CFAP144: variants seen among roughly 807,000 people sequenced by gnomAD.
The protein encoded by CFAP144 is cilia and flagella associated protein 144, also known as cilia- and flagella-associated protein 144.
the CFAP144 span, among the ~76,000 whole-genome samples, chr1:43,144,693 C>A: frequency 6.6e-6 from 1 of 152,252 alleles, no homozygotes; most frequent in Non-Finnish European, 1.5e-5. Context: ...CCCAGCTCTT[C>A]CTCTGTGGGT....
chr1:43,154,064 A>ATATATATATATATATATATG, the CFAP144 span, among the ~76,000 whole-genome samples: 1 of 41,024 alleles, frequency 2.4e-5, no homozygotes, highest in Non-Finnish European at 4.2e-5. Flanking sequence ...ATGTGTGTGT[A>ATATATATATATATATATATG]TATATATATA....
the CFAP144 span, among the ~76,000 whole-genome samples, chr1:43,154,060 G>GTATATATATA: frequency 1.4e-5 from 1 of 71,762 alleles, no homozygotes; most frequent in African/African-American, 4.5e-5. Flanking sequence ...ATATATGTGT[G>GTATATATATA]TGTATATATA....
chr1:43,149,359 C>T, the CFAP144 span, among the ~76,000 whole-genome samples: 1 of 152,240 alleles, frequency 6.6e-6, no homozygotes, highest in Non-Finnish European at 1.5e-5. Flanking sequence ...ACTCCTTTCC[C>T]CCCTGCCATT....
chr1:43,147,124 C>T, the CFAP144 span, among the ~76,000 whole-genome samples: 3 of 152,208 alleles, frequency 2.0e-5, no homozygotes, highest in Admixed American at 6.5e-5. Flanking sequence ...GGATTACAGG[C>T]GTGAGCCACC....
At chr1:43,148,765 C>G in the CFAP144 span, among the ~76,000 whole-genome samples, 170 of 152,274 alleles carry the variant, frequency 1.1e-3, no homozygotes, top group African/African-American at 2.6e-3. Context: ...GAATCATTCA[C>G]TCTCATCATC....
the CFAP144 span, among the ~76,000 whole-genome samples, chr1:43,150,158 G>A: frequency 6.6e-6 from 1 of 152,188 alleles, no homozygotes; most frequent in Admixed American, 6.5e-5. Flanking sequence ...CATTTGCCGG[G>A]TGATATATGT....
chr1:43,155,904 C>A, the CFAP144 span, among the ~76,000 whole-genome samples: 4 of 152,212 alleles, frequency 2.6e-5, no homozygotes, highest in Admixed American at 2.0e-4. Context: ...GTGACTCTTT[C>A]AACAAATTCA....
chr1:43,155,064 T>C, the CFAP144 span, among the ~76,000 whole-genome samples: 7 of 152,144 alleles, frequency 4.6e-5, no homozygotes, highest in Admixed American at 4.6e-4. Context: ...TTTGCTAGAA[T>C]TGGACAATGT....
At chr1:43,143,828 G>A in the CFAP144 span, among the ~76,000 whole-genome samples, 335 of 152,300 alleles carry the variant, frequency 2.2e-3, no homozygotes, top group Admixed American at 4.5e-3. Flanking sequence ...GCAGGAGGAG[G>A]CAAAGCTGCT....
At chr1:43,145,293 G>A in the CFAP144 span, 2 of 1,549,364 alleles carry the variant, frequency 1.3e-6, no homozygotes, top group Non-Finnish European at 1.7e-6. Flanking sequence ...TGTGTTCTCT[G>A]GAGGGTAAGT....
the CFAP144 span, chr1:43,145,364 AG>A: frequency 5.0e-6 from 6 of 1,210,268 alleles, no homozygotes; most frequent in East Asian, 1.3e-4. Context: ...ATAGGGCACA[AG>A]GTCCCTGCTG....
At chr1:43,145,993 C>T in the CFAP144 span, among the ~76,000 whole-genome samples, 3 of 152,090 alleles carry the variant, frequency 2.0e-5, no homozygotes, top group African/African-American at 7.2e-5. Flanking sequence ...ACTATCTCTT[C>T]AATAATTTGC....
chr1:43,148,054 A>G, the CFAP144 span: 25 of 1,611,012 alleles, frequency 1.6e-5, no homozygotes, highest in African/African-American at 2.7e-5. Flanking sequence ...GAAACTCTAC[A>G]CGCAGTATCA....
the CFAP144 span, among the ~76,000 whole-genome samples, chr1:43,152,198 G>A: frequency 6.6e-6 from 1 of 152,132 alleles, no homozygotes; most frequent in Admixed American, 6.5e-5. Flanking sequence ...AGACTCGATA[G>A]GGCAGAACTA....
At chr1:43,153,769 C>T in the CFAP144 span, among the ~76,000 whole-genome samples, 2 of 151,344 alleles carry the variant, frequency 1.3e-5, no homozygotes, top group South Asian at 4.1e-4. Flanking sequence ...CACTTTAGCA[C>T]ACAATCACCC....
chr1:43,147,834 C>A, the CFAP144 span: 1 of 1,535,472 alleles, frequency 6.5e-7, no homozygotes, highest in Non-Finnish European at 8.7e-7. Context: ...GACCGGGCAG[C>A]ACTACCCGAG....
At chr1:43,148,185 C>G in the CFAP144 span, 8 of 1,118,714 alleles carry the variant, frequency 7.2e-6, no homozygotes, top group Admixed American at 2.6e-5. Flanking sequence ...CCAGCAAAAA[C>G]TCTTTCCCCA....
the CFAP144 span, chr1:43,148,221 A>T: frequency 1.1e-6 from 1 of 894,832 alleles, no homozygotes; most frequent in Non-Finnish European, 1.7e-6. Flanking sequence ...CCTAGATTTC[A>T]GGAACCATGA....
the CFAP144 span, among the ~76,000 whole-genome samples, chr1:43,153,982 C>A: frequency 6.7e-6 from 1 of 148,594 alleles, no homozygotes; most frequent in Admixed American, 6.7e-5. Context: ...ACCTTCAACA[C>A]CTACATTACC....
Sources: allele counts gnomAD v4.1 joint callset (sites outside exome capture counted in the v4.1 genomes callset), GRCh38; gene constraint gnomAD v4.1.1; transcripts MANE v1.5; gene names NCBI Gene and HGNC (gene_info 2026-07-23, HGNC 2026-07-21).